ARAP2: variants seen among roughly 807,000 people sequenced by gnomAD.
ARAP2 encodes arf-GAP with Rho-GAP domain, ANK repeat and PH domain-containing protein 2.
A neutral mutation model predicts 194.5 loss-of-function variants in ARAP2; 148 were observed. The ratio of observed to expected loss-of-function variants is 0.76; its 90% CI spans 0.67 to 0.87. The LOEUF (loss-of-function observed/expected upper bound fraction) is 0.87, where lower values mean the gene tolerates loss of function less well. Among genes scored for constraint, ARAP2 ranks in the 40% least tolerant of loss-of-function variants. The probability of loss-of-function intolerance (pLI) is 0.00; values close to 1 mark genes in which losing one functional copy is unlikely to be tolerated. For synonymous variants in ARAP2, 695 were observed against 683.5 expected (o/e 1.02, Z -0.26); for missense variants, 2,128 against 1,989.7 (o/e 1.07, Z -1.32).
At chr4:36,213,441 A>G in intron 3 of ARAP2, 122 bp from the exon 4 acceptor site, 2 of 671,718 alleles carry the variant, frequency 3.0e-6, no homozygotes, top group Non-Finnish European at 5.1e-6. Context: ...TTATTCTGTA[A>G]GAGTCCAAAT....
chr4:36,117,822 G>T (rs986116260), intron 24 of ARAP2, among the ~76,000 whole-genome samples: 1 of 151,520 alleles, frequency 6.6e-6, no homozygotes, highest in African/African-American at 2.4e-5. Context: ...AAGTGAAGAA[G>T]ATGCAAGCCT....
chr4:36,168,872 G>T (rs544896729), intron 9 of ARAP2, among the ~76,000 whole-genome samples: 2 of 152,264 alleles, frequency 1.3e-5, no homozygotes, highest in East Asian at 3.9e-4. Context: ...CACTTAACAT[G>T]ATCTCTACGG....
intron 1 of ARAP2, among the ~76,000 whole-genome samples, chr4:36,239,876 T>TC: frequency 6.6e-6 from 1 of 152,306 alleles, no homozygotes; most frequent in East Asian, 1.9e-4. Context: ...GGACTTTTTT[T>TC]CTCTCCTTTG....
intron 20 of ARAP2, among the ~76,000 whole-genome samples, chr4:36,131,394 C>A (rs9997962): frequency 0.057 from 8,502 of 149,780 alleles, 378 homozygotes; most frequent in East Asian, 0.12. Flanking sequence ...ACATATACAT[C>A]ATATGTTATA....
intron 2 of ARAP2, among the ~76,000 whole-genome samples, chr4:36,055,558 T>A (rs889497215): frequency 6.6e-6 from 1 of 152,104 alleles, no homozygotes; most frequent in Admixed American, 6.6e-5. Flanking sequence ...ATTTTTATTT[T>A]TATTTTTATT....
At chr4:36,213,742 G>T (rs997384379) in intron 3 of ARAP2, among the ~76,000 whole-genome samples, 1 of 151,900 alleles carries the variant, frequency 6.6e-6, no homozygotes, top group Non-Finnish European at 1.5e-5. Context: ...TTATAAAAAG[G>T]TCACTAACAT....
intron 5 of ARAP2, among the ~76,000 whole-genome samples, chr4:36,019,916 A>G (rs757859497): frequency 2.0e-5 from 3 of 152,188 alleles, no homozygotes; most frequent in Non-Finnish European, 2.9e-5. Context: ...TGGATGTCTG[A>G]AACCTCAGAT....
intron 21 of ARAP2, among the ~76,000 whole-genome samples, chr4:36,126,855 C>G (rs6531411): frequency 0.93 from 141,343 of 152,084 alleles, 65,785 homozygotes; most frequent in African/African-American, 0.98. Flanking sequence ...TGTTGTTTAA[C>G]ACGCAGGGTC....
At chr4:36,224,078 G>A (rs1441670499) in intron 2 of ARAP2, among the ~76,000 whole-genome samples, 1 of 150,392 alleles carries the variant, frequency 6.6e-6, no homozygotes. Context: ...AATCACTAAA[G>A]TTGCCCAGAA....
At chr4:36,238,651 A>G (rs1017165361) in intron 1 of ARAP2, among the ~76,000 whole-genome samples, 1 of 152,222 alleles carries the variant, frequency 6.6e-6, no homozygotes, top group Non-Finnish European at 1.5e-5. Context: ...ATATGTGTCC[A>G]TGTACGTGGC....
chr4:36,033,643 T>C (rs1009791203), intron 5 of ARAP2, among the ~76,000 whole-genome samples: 3 of 152,194 alleles, frequency 2.0e-5, no homozygotes, highest in African/African-American at 7.2e-5. Context: ...CAGAAGCTCT[T>C]AAGTTTAATT....
At chr4:36,102,345 G>A (rs959944756) in intron 27 of ARAP2, among the ~76,000 whole-genome samples, 2 of 151,916 alleles carry the variant, frequency 1.3e-5, no homozygotes, top group African/African-American at 4.8e-5. Context: ...AGCTTTCATG[G>A]TAATGATCTG....
intron 31 of ARAP2, among the ~76,000 whole-genome samples, chr4:36,075,739 C>T (rs940884789): frequency 1.3e-5 from 2 of 152,146 alleles, no homozygotes; most frequent in African/African-American, 4.8e-5. Context: ...CTCTATCATA[C>T]TTGCCTGGCA....
intron 17 of ARAP2, among the ~76,000 whole-genome samples, chr4:36,148,166 T>A (rs1193806594): frequency 6.6e-6 from 1 of 152,182 alleles, no homozygotes; most frequent in Non-Finnish European, 1.5e-5. Context: ...ATCCTAACCA[T>A]CAAAAACATG....
At position 36,096,374 on chromosome 4, in the gene ARAP2, A is replaced by AAAAAAAAAAAAG. The variant is rs796310005; in HGVS notation, c.4286-4355_4286-4354insCTTTTTTTTTTT. On this transcript the variant is annotated intron_variant, in intron 27 of 32. Transcript: ENST00000303965. ...AGTGAGACTCTCTCAAAAAAAAAAA[A>AAAAAAAAAAAAG]AAAAAAGAAAAAGGAAAAAAGTAGT... Among the ~76,000 whole-genome samples, 815 of 141,930 alleles carry AAAAAAAAAAAAG rather than the reference A, an allele frequency of 5.7e-3. 35 individuals are homozygous for AAAAAAAAAAAAG. The highest frequency in any genetic ancestry group is 0.021 in the African/African-American group (731 of 34,080). 93.1% of individuals were successfully genotyped at this position (141,930 alleles called of 152,430 possible).
At chr4:36,210,179 A>G (rs1019097138) in intron 6 of ARAP2, among the ~76,000 whole-genome samples, 6 of 152,080 alleles carry the variant, frequency 3.9e-5, no homozygotes, top group Non-Finnish European at 5.9e-5. Flanking sequence ...GCGACTCTGG[A>G]CCTTAATGCA....
intron 1 of ARAP2, among the ~76,000 whole-genome samples, chr4:36,234,826 C>A (rs1752155550): frequency 6.6e-6 from 1 of 152,144 alleles, no homozygotes; most frequent in South Asian, 2.1e-4. Flanking sequence ...ACAGGACAAA[C>A]CCATATAAGC....
At chr4:36,160,381 T>G in intron 13 of ARAP2, 78 bp downstream of exon 13, 1 of 1,328,596 alleles carries the variant, frequency 7.5e-7, no homozygotes, top group Non-Finnish European at 9.8e-7. Context: ...ATAAAATTTT[T>G]TACTTTTTCT....
At position 36,032,681 on chromosome 4, in the gene ARAP2, CTTTTA is replaced by C. The variant is rs1483496936; in HGVS notation, n.607+13293_607+13297del. On this transcript the variant is annotated intron_variant and non_coding_transcript_variant, in intron 5 of 12. Coordinates refer to the ARAP2 transcript ENST00000503225. ...GATTTTATTTTATTTTATTTTTTAA[CTTTTA>C]TTTTAAGTTTAGAGGTATATGTGCA... Among the ~76,000 whole-genome samples the C allele has an allele frequency of 4.0e-5, 6 of 151,870 alleles. No homozygotes were observed. The East Asian group carries it at 9.7e-4, about 24-fold the overall frequency.
Sources: gnomAD v4.1 joint callset for allele counts (sites outside exome capture counted in the v4.1 genomes callset) on GRCh38, gnomAD v4.1.1 for gene constraint, MANE v1.5 for transcripts, NCBI Gene and HGNC (gene_info 2026-07-23, HGNC 2026-07-21) for gene names.